ARHGAP31: variants seen among roughly 807,000 people sequenced by gnomAD.
The protein encoded by ARHGAP31 is rho GTPase-activating protein 31.
A neutral mutation model predicts 113.9 loss-of-function variants in ARHGAP31; 34 were observed. The ratio of observed to expected loss-of-function variants is 0.30; its 90% CI spans 0.23 to 0.40. The LOEUF (loss-of-function observed/expected upper bound fraction) is 0.40, where lower values mean the gene tolerates loss of function less well. ARHGAP31 is among the 10% of genes least tolerant of loss of function. The pLI is 1.00. For missense variants in ARHGAP31, 1,548 were observed against 1,767.1 expected (o/e 0.88, Z 2.22); for synonymous variants, 650 against 684.8 (o/e 0.95, Z 0.79).
In ARHGAP31 at chr3:119,294,655, C is replaced by G. The variant is rs1559957232; in HGVS notation, c.-250C>G. The G allele has an allele frequency of 7.1e-6, 4 of 562,748 alleles. No homozygotes were observed. Among genetic ancestry groups the G allele is most frequent in the Non-Finnish European group, 9.3e-6 (3 of 323,436 alleles). The allele number at this position is 562,748 out of a possible 1,614,324, so 34.9% of individuals were successfully genotyped here. On this transcript the variant is annotated 5_prime_UTR_variant, in exon 1 of 12. Transcript: ENST00000264245. ...GAGGAAGTGACACTCCCAGGCGAGC[C>G]GGCCCGCGGCTGCCAGTCTGCACGG...
intron 3 of ARHGAP31, among the ~76,000 whole-genome samples, chr3:119,373,017 A>G (rs2080315107): frequency 6.6e-6 from 1 of 152,246 alleles, no homozygotes; most frequent in African/African-American, 2.4e-5. Flanking sequence ...AAATGAGGAA[A>G]TCAAGTTTCA....
chr3:119,299,541 C>T (rs759347663), intron 1 of ARHGAP31, among the ~76,000 whole-genome samples: 2 of 152,124 alleles, frequency 1.3e-5, no homozygotes, highest in African/African-American at 2.4e-5. Context: ...TTTCAAAGAA[C>T]AAGGATAAGG....
chr3:119,296,492 G>A (rs560669515), intron 1 of ARHGAP31, among the ~76,000 whole-genome samples: 1 of 152,134 alleles, frequency 6.6e-6, no homozygotes, highest in Admixed American at 6.5e-5. Context: ...TTTTTGCAGG[G>A]GCCTTCAAGT....
rs551662789 is a variant in ARHGAP31 at position 119,294,730 on chromosome 3, C to T, written c.-175C>T. 1.1e-5 allele frequency: 7 copies of T among 660,626 alleles called. No individual in the cohort carries two copies. In the African/African-American group the frequency reaches 1.3e-4, roughly 12 times the overall value. The allele number at this position is 660,626 out of a possible 1,614,324, so 40.9% of individuals were successfully genotyped here. A position where few individuals can be genotyped will look rare whatever the true frequency, so the allele number is the denominator to read the frequency against. On this transcript the variant is annotated 5_prime_UTR_variant, in exon 1 of 12. Transcript: ENST00000264245. ...GCGCGGGGTGGATCTCAGGCTCTGCCGGCCCGCGGCCCGCGGGGTCCATGC... is the reference window on the plus strand; with the variant it reads ...GCGCGGGGTGGATCTCAGGCTCTGCTGGCCCGCGGCCCGCGGGGTCCATGC...
chr3:119,349,395 G>A (rs2107615956), intron 1 of ARHGAP31, among the ~76,000 whole-genome samples: 1 of 152,284 alleles, frequency 6.6e-6, no homozygotes, highest in East Asian at 1.9e-4. Flanking sequence ...TACAGTAAAA[G>A]CCCTAGGGAG....
At chr3:119,341,414 C>T (rs146620656) in intron 1 of ARHGAP31, among the ~76,000 whole-genome samples, 1 of 152,296 alleles carries the variant, frequency 6.6e-6, no homozygotes, top group African/African-American at 2.4e-5. Context: ...CACAGGTTAA[C>T]TCATTTAATC....
intron 1 of ARHGAP31, among the ~76,000 whole-genome samples, chr3:119,297,651 T>C (rs904533088): frequency 2.0e-5 from 3 of 152,186 alleles, no homozygotes; most frequent in Non-Finnish European, 2.9e-5. Flanking sequence ...TGATGAGCTA[T>C]GCTCAGGGCA....
rs144209825 is a variant in ARHGAP31 at position 119,372,472 on chromosome 3, G to A, written c.348+3956G>A. 6.7e-3 allele frequency among the ~76,000 whole-genome samples: 1,023 copies of A among 151,892 alleles called. 13 individuals carry two copies. The highest frequency in any genetic ancestry group is 0.023 in the African/African-American group (949 of 41,426). ...TAATTTTTGTATTTTTAGTAGAGAC[G>A]GGGTTTCGCCATGTTGGCCAGCCTG... On this transcript the variant is annotated intron_variant, in intron 3 of 11. Coordinates refer to ENST00000264245, the MANE Select transcript of ARHGAP31 (RefSeq NM_020754.4).
chr3:119,382,902 T>A (rs2080414185), intron 5 of ARHGAP31, among the ~76,000 whole-genome samples, 182 bp from the exon 6 acceptor site: 1 of 152,238 alleles, frequency 6.6e-6, no homozygotes, highest in South Asian at 2.1e-4. Context: ...TTCAAATTTG[T>A]TCAGTTTATT....
At chr3:119,332,604 TTC>T (rs34228523) in intron 1 of ARHGAP31, among the ~76,000 whole-genome samples, 1,232 of 105,696 alleles carry the variant, frequency 0.012, 11 homozygotes, top group East Asian at 0.019. Context: ...CTCTCTCTCT[TTC>T]TCTCTCTCTC....
chr3:119,301,958 G>C (rs536536150), intron 1 of ARHGAP31, among the ~76,000 whole-genome samples: 1 of 152,312 alleles, frequency 6.6e-6, no homozygotes, highest in South Asian at 2.1e-4. Flanking sequence ...TCCTTCTAGT[G>C]GTTCCTTCAG....
rs752272447 is a variant in ARHGAP31 at position 119,414,858 on chromosome 3, A to C, written c.2929A>C (p.Asn977His). The change falls in exon 12 of 12, where the codon AAT becomes CAT. Residue 977 changes from asparagine (N) to histidine (H), a missense_variant. Coordinates refer to ENST00000264245, the MANE Select transcript of ARHGAP31 (RefSeq NM_020754.4). ...LEVPSSSSCA[N>H]LETERNSDPL... ...GGTTCCCTCCTCCAGCAGCTGTGCTAATCTTGAAACAGAGAGGAATTCTGA... is the reference window on the plus strand; with the variant it reads ...GGTTCCCTCCTCCAGCAGCTGTGCTCATCTTGAAACAGAGAGGAATTCTGA... The C allele has an allele frequency of 5.9e-5, 96 of 1,614,118 alleles. No homozygotes were observed. Among genetic ancestry groups the C allele is most frequent in the Non-Finnish European group, 8.0e-5 (94 of 1,180,046 alleles).
intron 10 of ARHGAP31, 110 bp from the exon 11 acceptor site, chr3:119,409,386 T>C: frequency 1.5e-6 from 2 of 1,305,186 alleles, no homozygotes; most frequent in East Asian, 2.4e-5. Flanking sequence ...CTGAGGGAAT[T>C]CCCTCCATCC....
In ARHGAP31 at chr3:119,369,354, A is replaced by G. The variant is rs182181486; in HGVS notation, c.348+838A>G. 4.6e-5 allele frequency among the ~76,000 whole-genome samples: 7 copies of G among 151,610 alleles called. No homozygotes were observed. In the East Asian group the frequency reaches 1.4e-3, roughly 29 times the overall value. ...TACCATGGAATGTAGTGTAGATACGAAAAGAAGTGAGGGCACAAGGTAGTT... is the reference window on the plus strand; with the variant it reads ...TACCATGGAATGTAGTGTAGATACGGAAAGAAGTGAGGGCACAAGGTAGTT... On this transcript the variant is annotated intron_variant, in intron 3 of 11. Transcript: ENST00000264245.
intron 10 of ARHGAP31, 100 bp from the exon 11 acceptor site, chr3:119,409,396 C>A: frequency 7.1e-7 from 1 of 1,413,380 alleles, no homozygotes; most frequent in Non-Finnish European, 9.9e-7. Flanking sequence ...TCCCTCCATC[C>A]TTCTGAAACA....
At chr3:119,334,848 G>A (rs767344947) in intron 1 of ARHGAP31, among the ~76,000 whole-genome samples, 2 of 152,196 alleles carry the variant, frequency 1.3e-5, no homozygotes, top group Non-Finnish European at 2.9e-5. Context: ...GCCCAGAGAA[G>A]TTAAGTAATT....
At chr3:119,335,602 T>C (rs142741051) in intron 1 of ARHGAP31, among the ~76,000 whole-genome samples, 5 of 152,188 alleles carry the variant, frequency 3.3e-5, no homozygotes, top group South Asian at 2.1e-4. Context: ...CCACAGGGAT[T>C]TGGGGCCCAG....
At chr3:119,316,016 G>A (rs2079727330) in intron 1 of ARHGAP31, among the ~76,000 whole-genome samples, 2 of 152,160 alleles carry the variant, frequency 1.3e-5, no homozygotes, top group Non-Finnish European at 2.9e-5. Context: ...TGTTCCCTAA[G>A]GACACAAAGC....
chr3:119,356,809 T>C (rs1017269838), intron 1 of ARHGAP31, among the ~76,000 whole-genome samples: 1 of 152,222 alleles, frequency 6.6e-6, no homozygotes, highest in Non-Finnish European at 1.5e-5. Flanking sequence ...AGCAACCTGC[T>C]GTTGATGACA....
Sources: allele counts gnomAD v4.1 joint callset (sites outside exome capture counted in the v4.1 genomes callset), GRCh38; gene constraint gnomAD v4.1.1; transcripts MANE v1.5; gene names NCBI Gene and HGNC (gene_info 2026-07-23, HGNC 2026-07-21).